The following TASOR2 variants were observed in gnomAD, a reference collection of about 807,000 sequenced individuals.
The protein encoded by TASOR2 is transcription activation suppressor family member 2, also known as protein TASOR 2.
A neutral mutation model predicts 199.5 loss-of-function variants in TASOR2; 84 were observed. The ratio of observed to expected loss-of-function variants is 0.42; its 90% CI spans 0.35 to 0.50. The LOEUF (loss-of-function observed/expected upper bound fraction) is 0.50. TASOR2 is among the 20% of genes least tolerant of loss of function. TASOR2 has a pLI of 0.02. For missense variants in TASOR2, 2,796 were observed against 2,835.9 expected, an observed-to-expected ratio of 0.99 and a Z score of 0.32; for synonymous variants, 1,103 against 1,046.6, an observed-to-expected ratio of 1.05 and a Z score of -1.04.
rs1838651499 is a variant in TASOR2 at position 5,706,670 on chromosome 10, C to G, written c.-287-6153C>G. ...ACGGTATAAGGAAAGAACTTGACTA[C>G]ACAGTATGGCTCAGCAATGATTAAT... is the stretch of plus-strand genomic sequence containing the variant. On this transcript the variant is annotated intron_variant, in intron 1 of 20. Coordinates refer to ENST00000328090, the Ensembl canonical transcript of TASOR2. The surrounding 1 kb of genome is among the most constrained non-coding windows in gnomAD (Gnocchi z 4.8). Among the ~76,000 whole-genome samples, 2 of 152,148 alleles carry G rather than the reference C, an allele frequency of 1.3e-5. No individual in the cohort carries two copies. The highest frequency in any genetic ancestry group is 2.4e-5 in the African/African-American group (1 of 41,428).
chr10:5,691,592 A>G (rs1365786630), intron 1 of TASOR2, among the ~76,000 whole-genome samples: 2 of 152,358 alleles, frequency 1.3e-5, no homozygotes, highest in Admixed American at 6.5e-5. Context: ...AACTTGCTTT[A>G]TAAGTTCAAA....
At position 5,720,582 on chromosome 10, in the gene TASOR2, A is replaced by G; in HGVS notation, c.-61A>G. ...AACTTTCAGGCAACACCGTTATTGA[A>G]CGACCCAGACAGATCTGTCCTTATG... On this transcript the variant is annotated 5_prime_UTR_variant, in exon 4 of 21. Transcript: ENST00000328090. The surrounding 1 kb of genome is among the most constrained non-coding windows in gnomAD (Gnocchi z 5.3). 1.2e-6 allele frequency: 2 copies of G among 1,607,568 alleles called. No individual in the cohort carries two copies. Among genetic ancestry groups the G allele is most frequent in the South Asian group, 2.2e-5 (2 of 89,288 alleles).
chr10:5,691,169 G>C (rs1368271209), intron 1 of TASOR2, among the ~76,000 whole-genome samples: 3 of 144,602 alleles, frequency 2.1e-5, no homozygotes, highest in African/African-American at 7.7e-5. Context: ...CCAGCCTGAC[G>C]ACAGAGTGAG....
At chr10:5,727,219 T>G (rs1007064278) in intron 10 of TASOR2, 96 bp downstream of exon 11, 5 of 1,272,232 alleles carry the variant, frequency 3.9e-6, no homozygotes, top group Non-Finnish European at 5.6e-6. Flanking sequence ...CTGTTGACTG[T>G]TTTTTCCTCT....
chr10:5,728,373 C>T (rs1834334928), intron 10 of TASOR2, among the ~76,000 whole-genome samples: 2 of 152,070 alleles, frequency 1.3e-5, no homozygotes, highest in South Asian at 2.1e-4. Context: ...CAGGGTGGCT[C>T]ACGCCTGTAA....
chr10:5,699,554 CG>C lies in TASOR2; in HGVS notation c.-287-13267del. 1 of 151,912 alleles carries C rather than the reference CG, an allele frequency of 6.6e-6. No individual in the cohort carries two copies. Among genetic ancestry groups the C allele is most frequent in the Non-Finnish European group, 1.5e-5 (1 of 67,958 alleles). The allele number at this position is 151,912 out of a possible 1,614,324, so 9.4% of individuals were successfully genotyped here. A position where few individuals can be genotyped will look rare whatever the true frequency, so the allele number is the denominator to read the frequency against. On this transcript the variant is annotated intron_variant, in intron 1 of 20. Coordinates refer to ENST00000328090, the Ensembl canonical transcript of TASOR2. This position sits in a 1 kb window ranked among gnomAD's most constrained non-coding sequence, Gnocchi z 4.1. ...TAAAATTAATGAAGCATAGAAGTTACGGAGAACTACTGGAAAGAAGAAATAC... is the reference window on the plus strand; with the variant it reads ...TAAAATTAATGAAGCATAGAAGTTACGAGAACTACTGGAAAGAAGAAATAC...
chr10:5,740,630 A>G lies in TASOR2; in HGVS notation c.2327+133A>G. The G allele has an allele frequency of 3.2e-6, 3 of 941,310 alleles. No homozygotes were observed. Among genetic ancestry groups the G allele is most frequent in the Non-Finnish European group, 3.1e-6 (2 of 644,562 alleles). 58.3% of individuals were successfully genotyped at this position (941,310 alleles called of 1,614,324 possible). On this transcript the variant is annotated intron_variant, in intron 13 of 20. Coordinates refer to ENST00000328090, the Ensembl canonical transcript of TASOR2. This position sits in a 1 kb window ranked among gnomAD's most constrained non-coding sequence, Gnocchi z 5.3. ...TGTGTTTAAAACCAGTAATTTGATAATAACATCAAGCAAACATGTTTCCTG... is the reference window on the plus strand; with the variant it reads ...TGTGTTTAAAACCAGTAATTTGATAGTAACATCAAGCAAACATGTTTCCTG...
intron 8 of TASOR2, among the ~76,000 whole-genome samples, chr10:5,725,383 T>C (rs1833920416): frequency 1.2e-5 from 1 of 85,342 alleles, no homozygotes; most frequent in Non-Finnish European, 2.0e-5. Context: ...AGAGCAAGAC[T>C]CCATCTCAAA....
rs1835817319 is a variant in TASOR2 at position 5,737,652 on chromosome 10, A to G, written c.1448-1966A>G. On this transcript the variant is annotated intron_variant, in intron 12 of 20. Coordinates refer to ENST00000328090, the Ensembl canonical transcript of TASOR2. The surrounding 1 kb of genome is among the most constrained non-coding windows in gnomAD (Gnocchi z 4.9). ...TCTCACTTCTTTGGGATATTTGAGA[A>G]CATTCTATAATTTAATTCATACTGT... Among the ~76,000 whole-genome samples, 1 of 152,138 alleles carries G rather than the reference A, an allele frequency of 6.6e-6. No homozygotes were observed. The highest frequency in any genetic ancestry group is 1.5e-5 in the Non-Finnish European group (1 of 68,034).
intron 1 of TASOR2, among the ~76,000 whole-genome samples, chr10:5,711,501 C>T (rs974849228): frequency 2.0e-5 from 3 of 152,054 alleles, no homozygotes; most frequent in Admixed American, 6.6e-5. Flanking sequence ...AACCCCCCAA[C>T]CTTAATAAAG....
intron 1 of TASOR2, among the ~76,000 whole-genome samples, chr10:5,705,966 T>C (rs1838537337): frequency 6.6e-6 from 1 of 152,192 alleles, no homozygotes; most frequent in African/African-American, 2.4e-5. Context: ...TTTTTTCCTA[T>C]GATTTTTTAA....
chr10:5,690,994 C>T lies in TASOR2; in HGVS notation c.-288+5819C>T, dbSNP rs2131489510. Among the ~76,000 whole-genome samples the T allele has an allele frequency of 6.6e-6, 1 of 152,070 alleles. No individual in the cohort carries two copies. The highest frequency in any genetic ancestry group is 1.9e-4 in the East Asian group (1 of 5,170). ...GATCACAAGGTCAGGAGATCGAGAC[C>T]ATCCTGGCCAACATGGTGAAACCCT... is the stretch of plus-strand genomic sequence containing the variant. On this transcript the variant is annotated intron_variant, in intron 1 of 20. Coordinates refer to ENST00000328090, the Ensembl canonical transcript of TASOR2. The surrounding 1 kb of genome is among the most constrained non-coding windows in gnomAD (Gnocchi z 4.8).
chr10:5,710,117 C>T lies in TASOR2; in HGVS notation c.-287-2706C>T, dbSNP rs1294972611. 6.6e-6 allele frequency among the ~76,000 whole-genome samples: 1 copy of T among 152,090 alleles called. No homozygotes were observed. The highest frequency in any genetic ancestry group is 1.5e-5 in the Non-Finnish European group (1 of 67,972). On this transcript the variant is annotated intron_variant, in intron 1 of 20. Coordinates refer to ENST00000328090, the Ensembl canonical transcript of TASOR2. This position sits in a 1 kb window ranked among gnomAD's most constrained non-coding sequence, Gnocchi z 4.6. The stretch of plus-strand genomic sequence containing the variant: ...CATAAAGTGTTTGTATTGTTTGGTG[C>T]ACTGATTGGACTCTCAAATGAAAGT...
intron 14 of TASOR2, among the ~76,000 whole-genome samples, chr10:5,744,949 CAA>C (rs905048393): frequency 3.9e-5 from 6 of 152,242 alleles, no homozygotes; most frequent in Admixed American, 2.0e-4. Flanking sequence ...ATGTTTTTAA[CAA>C]GAGATTTGGA....
chr10:5,715,784 A>G (rs2131557733), intron 2 of TASOR2, among the ~76,000 whole-genome samples: 1 of 152,276 alleles, frequency 6.6e-6, no homozygotes, highest in South Asian at 2.1e-4. Flanking sequence ...CTGAGATTAC[A>G]GGCACACATC....
chr10:5,753,431 C>T (rs761004926), intron 15 of TASOR2, among the ~76,000 whole-genome samples: 4 of 152,164 alleles, frequency 2.6e-5, no homozygotes, highest in South Asian at 4.1e-4. Flanking sequence ...GGCGCGATCT[C>T]GGCTCACTGC....
rs2131545985 is a variant in TASOR2 at position 5,710,568 on chromosome 10, G to T, written c.-287-2255G>T. Among the ~76,000 whole-genome samples the T allele has an allele frequency of 1.3e-5, 2 of 152,140 alleles. No individual in the cohort carries two copies. The highest frequency in any genetic ancestry group is 4.1e-4 in the South Asian group (2 of 4,822). ...TCTGACCATGTATTTGGGAAACCCT[G>T]TATTAGTGTTTTTAATTGCACCATC... On this transcript the variant is annotated intron_variant, in intron 1 of 20. Transcript: ENST00000328090. This position sits in a 1 kb window ranked among gnomAD's most constrained non-coding sequence, Gnocchi z 4.6.
rs756988538 is a variant in TASOR2, at chr10:5,754,475, C to T, written c.6607-2138C>T. Among the ~76,000 whole-genome samples the T allele has an allele frequency of 4.0e-5, 6 of 151,826 alleles. No homozygotes were observed. Among genetic ancestry groups the T allele is most frequent in the South Asian group, 4.2e-4 (2 of 4,796 alleles). On this transcript the variant is annotated intron_variant, in intron 15 of 20. Coordinates refer to ENST00000328090, the Ensembl canonical transcript of TASOR2. The surrounding 1 kb of genome is among the most constrained non-coding windows in gnomAD (Gnocchi z 4.3). ...CGCGATCTCAGCTCACTGCAGCCTCCGTCTTCTGGTTTCAAGTGATTCTCC... is the reference window on the plus strand; with the variant it reads ...CGCGATCTCAGCTCACTGCAGCCTCTGTCTTCTGGTTTCAAGTGATTCTCC...
rs751804750 is a variant in TASOR2 at position 5,742,184 on chromosome 10, C to G, written c.2415C>G (p.Asn805Lys). The G allele has an allele frequency of 2.5e-6, 4 of 1,614,026 alleles. No homozygotes were observed. In the African/African-American group the frequency reaches 5.3e-5, roughly 22 times the overall value. Residue 805 changes from asparagine to lysine, a missense_variant, in exon 14 of 21, where the codon AAC (asparagine) becomes AAG (lysine). By Grantham distance (94) the Asn-to-Lys change is moderately conservative. Around this residue, in one of 3 missense-constraint regions of TASOR2, gnomAD observed 1,941 missense variants for 1,924.9 expected, o/e 1.01. Transcript: ENST00000328090. This position sits in a 1 kb window ranked among gnomAD's most constrained non-coding sequence, Gnocchi z 4.2. ...TAGCTCTGTTTTACAGCAATCAGAACAAAATCATACGATCTTCCCGAAAGG... is the reference window on the plus strand; with the variant it reads ...TAGCTCTGTTTTACAGCAATCAGAAGAAAATCATACGATCTTCCCGAAAGG...
Sources: gnomAD v4.1 joint callset for allele counts (sites outside exome capture counted in the v4.1 genomes callset) on GRCh38, gnomAD v4.1.1 for gene constraint, gnomAD v4.1.1 regional missense constraint, Gnocchi (gnomAD v3.1) non-coding constraint, MANE v1.5 for transcripts, NCBI Gene and HGNC (gene_info 2026-07-23, HGNC 2026-07-21) for gene names.